Variants in TEX9 observed in about 807,000 individuals in gnomAD.
The protein encoded by TEX9 is testis-expressed protein 9.
A neutral mutation model predicts 59.6 loss-of-function variants in TEX9; 74 were observed. The observed-to-expected ratio is 1.24, with a 90% CI of 1.03 to 1.51. TEX9 has a LOEUF of 1.51. Ranked by LOEUF, TEX9 falls within the 40% of genes most tolerant of loss-of-function variation. The pLI, the probability that TEX9 is intolerant of heterozygous loss-of-function variation, is 0.00. For missense variants in TEX9, 522 were observed against 447.8 expected (o/e 1.17, Z -1.49); for synonymous variants, 186 against 152.2 (o/e 1.22, Z -1.64).
intron 1 of TEX9, among the ~76,000 whole-genome samples, chr15:56,339,383 C>CAAAAAAAAAAAAAAAAAAAAAAAAA (rs71456382): frequency 2.3e-4 from 7 of 30,770 alleles, no homozygotes; most frequent in African/African-American, 8.4e-4. Flanking sequence ...ACTCCTTCTC[C>CAAAAAAAAAAAAAAAAAAAAAAAAA]AAAAAAAAAA....
At chr15:56,259,089 G>A (rs896338269) in intron 1 of TEX9, among the ~76,000 whole-genome samples, 4 of 151,924 alleles carry the variant, frequency 2.6e-5, no homozygotes, top group African/African-American at 9.6e-5. Context: ...TGTTTTTGGG[G>A]AATCTTATTT....
chr15:56,256,635 G>A (rs1395718596), intron 1 of TEX9, among the ~76,000 whole-genome samples: 6 of 151,850 alleles, frequency 4.0e-5, no homozygotes, highest in African/African-American at 1.5e-4. Flanking sequence ...CAAAAGTCTG[G>A]AATGTCTCAC....
chr15:56,457,985 G>A, the TEX9 span, among the ~76,000 whole-genome samples: 1 of 152,130 alleles, frequency 6.6e-6, no homozygotes, highest in Admixed American at 6.5e-5. Context: ...CCTTCATCAT[G>A]TGAGTGGTCA....
At chr15:56,281,275 A>G (rs1439195825) in intron 1 of TEX9, among the ~76,000 whole-genome samples, 2 of 152,242 alleles carry the variant, frequency 1.3e-5, no homozygotes, top group African/African-American at 4.8e-5. Flanking sequence ...AGGTTAGTAT[A>G]TAGTTTAAGT....
At chr15:56,452,546 T>G in the TEX9 span, among the ~76,000 whole-genome samples, 1 of 147,432 alleles carries the variant, frequency 6.8e-6, no homozygotes, top group African/African-American at 2.5e-5. Flanking sequence ...TGAGACAGAG[T>G]CTCTCTCTGT....
chr15:56,264,122 A>G (rs1427472799), intron 1 of TEX9, among the ~76,000 whole-genome samples: 2 of 152,196 alleles, frequency 1.3e-5, no homozygotes, highest in East Asian at 1.9e-4. Context: ...TTGCTGTGCC[A>G]TGTAAGTATA....
exon 6 of TEX9, chr15:56,389,392 A>G: frequency 3.1e-6 from 5 of 1,602,632 alleles, no homozygotes; most frequent in Non-Finnish European, 3.4e-6. Context: ...GAAGGAAAAC[A>G]AATTCAAGGT....
At chr15:56,315,015 C>T (rs1881147940) in intron 1 of TEX9, among the ~76,000 whole-genome samples, 1 of 151,162 alleles carries the variant, frequency 6.6e-6, no homozygotes, top group African/African-American at 2.4e-5. Context: ...AGATCTTCCT[C>T]CATCCTTTTA....
chr15:56,428,022 A>T (rs1379667995), intron 11 of TEX9, among the ~76,000 whole-genome samples: 1 of 152,102 alleles, frequency 6.6e-6, no homozygotes, highest in Non-Finnish European at 1.5e-5. Flanking sequence ...TTAAAGAATG[A>T]CTATTAGGGG....
intron 2 of TEX9, among the ~76,000 whole-genome samples, chr15:56,368,913 A>C (rs1307314252): frequency 6.6e-6 from 1 of 152,160 alleles, no homozygotes; most frequent in Admixed American, 6.5e-5. Context: ...CTTTACAGAA[A>C]TAAAGACAAA....
At chr15:56,404,120 C>T (rs919485712) in intron 9 of TEX9, among the ~76,000 whole-genome samples, 6 of 152,138 alleles carry the variant, frequency 3.9e-5, no homozygotes, top group African/African-American at 1.4e-4. Flanking sequence ...CAACAAAAGC[C>T]AAAATAGACA....
intron 1 of TEX9, among the ~76,000 whole-genome samples, chr15:56,271,811 A>G (rs1392873297): frequency 2.0e-5 from 3 of 152,174 alleles, no homozygotes; most frequent in Non-Finnish European, 2.9e-5. Context: ...TTTAGAAAAA[A>G]TTCATATAAA....
At chr15:56,358,835 A>G (rs1373898435) in intron 1 of TEX9, among the ~76,000 whole-genome samples, 2 of 152,062 alleles carry the variant, frequency 1.3e-5, no homozygotes, top group Non-Finnish European at 2.9e-5. Flanking sequence ...GTGATGTCTC[A>G]TGAGATCTGA....
At chr15:56,394,601 T>G in intron 8 of TEX9, 60 bp from the exon 9 acceptor site, 1 of 1,265,978 alleles carries the variant, frequency 7.9e-7, no homozygotes, top group Non-Finnish European at 1.1e-6. Flanking sequence ...TTTTTTCTGC[T>G]TTGTTTTGAT....
rs143846695 is a variant in TEX9, at chr15:56,443,962, G to A, written c.*30-1709G>A. On this transcript the variant is annotated intron_variant, in intron 12 of 12. Transcript: ENST00000352903. ...GAAAAACACTATAGTTTTTTCATTC[G>A]TGCATGCAACAAACATTTTGAATGC... 6.1e-4 allele frequency: 522 copies of A among 858,498 alleles called. 3 individuals carry two copies. The highest frequency in any genetic ancestry group is 5.5e-3 in the African/African-American group (323 of 58,298). The allele number at this position is 858,498 out of a possible 1,614,324, so 53.2% of individuals were successfully genotyped here.
Position 56,342,411 on chromosome 15 carries a change from A to T in TEX9, c.-106-31030A>T, listed in dbSNP as rs866516567. ...ACTGGCTATAAAAAATCAAAACTTAAGAATAGTTGTCCTTTCTATTGCCGC... is the reference window on the plus strand; with the variant it reads ...ACTGGCTATAAAAAATCAAAACTTATGAATAGTTGTCCTTTCTATTGCCGC... On this transcript the variant is annotated intron_variant, in intron 1 of 5. Transcript: ENST00000560827. Among the ~76,000 whole-genome samples, 6 of 152,230 alleles carry T rather than the reference A, an allele frequency of 3.9e-5. No homozygotes were observed. In the South Asian group the frequency reaches 1.0e-3, roughly 26 times the overall value.
At chr15:56,433,922 C>T (rs1411329175) in intron 12 of TEX9, among the ~76,000 whole-genome samples, 3 of 152,028 alleles carry the variant, frequency 2.0e-5, no homozygotes, top group Non-Finnish European at 2.9e-5. Flanking sequence ...GTTTTATTTA[C>T]CTTTTATGTT....
chr15:56,432,934 T>G (rs1164625830), intron 12 of TEX9, among the ~76,000 whole-genome samples: 1 of 152,208 alleles, frequency 6.6e-6, no homozygotes, highest in African/African-American at 2.4e-5. Context: ...AACACCTACA[T>G]ATTATCCATT....
intron 9 of TEX9, among the ~76,000 whole-genome samples, chr15:56,409,244 A>T (rs112036250): frequency 6.6e-6 from 1 of 152,128 alleles, no homozygotes; most frequent in South Asian, 2.1e-4. Context: ...ACACATATGC[A>T]TACACACTTA....
Sources: allele counts gnomAD v4.1 joint callset (sites outside exome capture counted in the v4.1 genomes callset), GRCh38; gene constraint gnomAD v4.1.1; transcripts MANE v1.5; gene names NCBI Gene and HGNC (gene_info 2026-07-23, HGNC 2026-07-21).